Variants in COG5 observed in about 807,000 individuals in gnomAD.
The protein encoded by COG5 is conserved oligomeric Golgi complex subunit 5.
In COG5, 86 loss-of-function variants were observed where a neutral mutation model predicts 110.4. The observed-to-expected ratio is 0.78, with a 90% CI of 0.65 to 0.93. The LOEUF (loss-of-function observed/expected upper bound fraction) is 0.93, where lower values mean the gene tolerates loss of function less well. Among genes scored for constraint, COG5 ranks in the 40% least tolerant of loss-of-function variants. COG5 has a pLI of 0.00. For missense variants in COG5, 1,077 were observed against 987.0 expected (o/e 1.09, Z -1.22); for synonymous variants, 360 against 334.6 (o/e 1.08, Z -0.83).
rs1264811697 is a variant in COG5, at chr7:107,474,275, TAATC to T, written c.538+52958_538+52961del. 1 of 1,612,050 alleles carries T rather than the reference TAATC, an allele frequency of 6.2e-7. No homozygotes were observed. Among genetic ancestry groups the T allele is most frequent in the Admixed American group, 1.7e-5 (1 of 59,968 alleles). Reference sequence around the variant, plus strand: ...GTACTTTACTGCATGAAATCCAACTTAATCAACTCTGTCAGTAACATTATTACAA... The same window carrying T: ...GTACTTTACTGCATGAAATCCAACTTAACTCTGTCAGTAACATTATTACAA... On this transcript the variant is annotated intron_variant, in intron 6 of 21. Transcript: ENST00000297135. The surrounding 1 kb of genome is among the most constrained non-coding windows in gnomAD (Gnocchi z 5.7).
At chr7:107,305,956 C>T (rs901743498) in intron 11 of COG5, among the ~76,000 whole-genome samples, 1 of 152,070 alleles carries the variant, frequency 6.6e-6, no homozygotes, top group African/African-American at 2.4e-5. Flanking sequence ...GAAAAGATTA[C>T]AAAAGTGTGC....
intron 18 of COG5, among the ~76,000 whole-genome samples, chr7:107,235,856 A>G (rs573838066): frequency 1.3e-5 from 2 of 152,272 alleles, no homozygotes; most frequent in Non-Finnish European, 2.9e-5. Context: ...AACGCTTTCT[A>G]TAAGAGCTGA....
chr7:107,205,158 T>G (rs1798668841), intron 21 of COG5, among the ~76,000 whole-genome samples: 1 of 152,176 alleles, frequency 6.6e-6, no homozygotes, highest in South Asian at 2.1e-4. Context: ...TAGCAAGAGA[T>G]TTCCCCTGAA....
chr7:107,285,499 T>C (rs1459689683), intron 12 of COG5, among the ~76,000 whole-genome samples: 1 of 152,222 alleles, frequency 6.6e-6, no homozygotes, highest in Non-Finnish European at 1.5e-5. Context: ...ACATTTATAA[T>C]AACCTTTTTT....
intron 6 of COG5, chr7:107,470,584 T>C (rs1330270916): frequency 6.6e-6 from 1 of 152,196 alleles, no homozygotes; most frequent in Non-Finnish European, 1.5e-5. Flanking sequence ...TTAAGATCTA[T>C]TTCTTTTAAG....
In COG5 at chr7:107,271,794, C is replaced by T. The variant is rs574546152; in HGVS notation, c.1575+9506G>A. Among the ~76,000 whole-genome samples, 57 of 151,678 alleles carry T rather than the reference C, an allele frequency of 3.8e-4. 1 individual carries two copies. In the East Asian group the frequency reaches 7.9e-3, roughly 21 times the overall value. ...CTATTTATTATGGGTTTAATTTGCC[C>T]TTTTTTTTCCTCTTTTTAGTTTCTT... On this transcript the variant is annotated intron_variant, in intron 14 of 21. Coordinates refer to ENST00000297135, the MANE Select transcript of COG5 (RefSeq NM_006348.5).
At chr7:107,251,053 G>T (rs1330412976) in intron 16 of COG5, among the ~76,000 whole-genome samples, 1 of 139,012 alleles carries the variant, frequency 7.2e-6, no homozygotes, top group Admixed American at 7.8e-5. Flanking sequence ...TCCCAAACAG[G>T]ATAATTTTGA....
chr7:107,440,782 T>G (rs1025231976), intron 6 of COG5, among the ~76,000 whole-genome samples: 3 of 152,204 alleles, frequency 2.0e-5, no homozygotes, highest in African/African-American at 7.2e-5. Context: ...ATCAAGGTGC[T>G]GAGAGGTCAA....
At chr7:107,431,775 C>G (rs1361193927) in intron 6 of COG5, among the ~76,000 whole-genome samples, 2 of 152,086 alleles carry the variant, frequency 1.3e-5, no homozygotes, top group Non-Finnish European at 2.9e-5. Context: ...CTCACCTCAG[C>G]CTCCAACGTA....
intron 21 of COG5, among the ~76,000 whole-genome samples, chr7:107,204,351 G>A (rs1798590318): frequency 6.6e-6 from 1 of 152,068 alleles, no homozygotes; most frequent in South Asian, 2.1e-4. Context: ...GAGACCATGT[G>A]GCCTGCAAAG....
At chr7:107,278,480 C>T (rs1347808151) in intron 14 of COG5, among the ~76,000 whole-genome samples, 2 of 152,112 alleles carry the variant, frequency 1.3e-5, no homozygotes, top group African/African-American at 4.8e-5. Flanking sequence ...TCCACGTGTT[C>T]TCATTGGTCA....
chr7:107,356,956 G>T (rs903640635), intron 10 of COG5, among the ~76,000 whole-genome samples: 6 of 152,068 alleles, frequency 3.9e-5, no homozygotes, highest in Non-Finnish European at 7.4e-5. Flanking sequence ...TTGAAAAGAG[G>T]TTAGAAAAAG....
Position 107,474,463 on chromosome 7 carries a change from G to A in COG5, c.538+52774C>T, listed in dbSNP as rs1194587624. The A allele has an allele frequency of 6.2e-7, 1 of 1,613,278 alleles. No homozygotes were observed. Among genetic ancestry groups the A allele is most frequent in the Non-Finnish European group, 8.5e-7 (1 of 1,179,534 alleles). On this transcript the variant is annotated intron_variant, in intron 6 of 21. Coordinates refer to ENST00000297135, the MANE Select transcript of COG5 (RefSeq NM_006348.5). This position sits in a 1 kb window ranked among gnomAD's most constrained non-coding sequence, Gnocchi z 5.7. ...TGTCTCAACAGCAATCAACGTTTTTGCTATCACTTTGGACAGATATGACAT... is the reference window on the plus strand; with the variant it reads ...TGTCTCAACAGCAATCAACGTTTTTACTATCACTTTGGACAGATATGACAT...
chr7:107,322,997 T>C (rs1004274420), intron 11 of COG5, among the ~76,000 whole-genome samples: 1 of 152,164 alleles, frequency 6.6e-6, no homozygotes, highest in Non-Finnish European at 1.5e-5. Context: ...GGAGTGAAGG[T>C]AGCAGATAAA....
At position 107,214,571 on chromosome 7, in the gene COG5, T is replaced by G. The variant is rs945048802; in HGVS notation, c.2169-3346A>C. On this transcript the variant is annotated intron_variant, in intron 19 of 21. Coordinates refer to ENST00000297135, the MANE Select transcript of COG5 (RefSeq NM_006348.5). The stretch of plus-strand genomic sequence containing the variant: ...AGTCATACTCAGAAAAACCTAGAAG[T>G]GTAATAGTGGTCTGTAAAATAATTT... Among the ~76,000 whole-genome samples the G allele has an allele frequency of 3.9e-5, 6 of 152,126 alleles. No individual in the cohort carries two copies. The South Asian group carries it at 1.2e-3, about 32-fold the overall frequency.
chr7:107,256,681 A>G, intron 16 of COG5, 51 bp downstream of exon 16: 1 of 1,310,514 alleles, frequency 7.6e-7, no homozygotes, highest in Middle Eastern at 2.0e-4. Flanking sequence ...AGCAAAACAA[A>G]TAATCCTAAA....
chr7:107,450,868 T>C (rs1404269133), intron 6 of COG5, among the ~76,000 whole-genome samples: 3 of 152,156 alleles, frequency 2.0e-5, no homozygotes, highest in Admixed American at 6.6e-5. Flanking sequence ...TATTTTGATA[T>C]CAGACAACGC....
intron 6 of COG5, among the ~76,000 whole-genome samples, chr7:107,510,741 C>T (rs1799437545): frequency 6.6e-6 from 1 of 152,172 alleles, no homozygotes; most frequent in South Asian, 2.1e-4. Flanking sequence ...TTAAGAAACT[C>T]ACTCAAAACC....
chr7:107,258,154 A>C, intron 15 of COG5, 119 bp downstream of exon 15: 1 of 672,580 alleles, frequency 1.5e-6, no homozygotes, highest in Non-Finnish European at 2.6e-6. Flanking sequence ...TTTATTTTAT[A>C]ATCATCACAT....
Sources: allele counts gnomAD v4.1 joint callset (sites outside exome capture counted in the v4.1 genomes callset), GRCh38; gene constraint gnomAD v4.1.1; non-coding constraint Gnocchi (gnomAD v3.1); transcripts MANE v1.5; gene names NCBI Gene and HGNC (gene_info 2026-07-23, HGNC 2026-07-21).